The following CYP51A1 variants were observed in gnomAD, a reference collection of about 807,000 sequenced individuals.
CYP51A1 encodes cytochrome P450 family 51 subfamily A member 1, also known as lanosterol 14-alpha demethylase.
In CYP51A1, 45 loss-of-function variants were observed where a neutral mutation model predicts 53.5. The observed-to-expected ratio is 0.84, with a 90% confidence interval of 0.66 to 1.08. The LOEUF is 1.08. Ranked by LOEUF, CYP51A1 falls within the 50% of genes least tolerant of loss-of-function variation. The pLI, the probability that CYP51A1 is intolerant of heterozygous loss-of-function variation, is 0.00. For missense variants in CYP51A1, 462 were observed against 621.7 expected (o/e 0.74, Z 2.73); for synonymous variants, 181 against 217.7 (o/e 0.83, Z 1.48).
chr7:92,118,461 T>A (rs1819621888), intron 8 of CYP51A1, 59 bp downstream of exon 8: 10 of 948,050 alleles, frequency 1.1e-5, no homozygotes, highest in Admixed American at 8.5e-5. Flanking sequence ...CACCCACCTA[T>A]TTCTTCTTTT....
intron 7 of CYP51A1, among the ~76,000 whole-genome samples, chr7:92,120,525 C>A (rs937408425): frequency 6.6e-6 from 1 of 152,170 alleles, no homozygotes; most frequent in Non-Finnish European, 1.5e-5. Flanking sequence ...TGAGCTCAAG[C>A]GACCTTCCCA....
chr7:92,123,030 A>T, intron 7 of CYP51A1, 90 bp downstream of exon 7: 2 of 953,690 alleles, frequency 2.1e-6, no homozygotes, highest in Non-Finnish European at 3.2e-6. Flanking sequence ...AAGCTATAGT[A>T]TATAGAAAAT....
chr7:92,117,759 G>A (rs934967916), intron 8 of CYP51A1, among the ~76,000 whole-genome samples: 6 of 152,074 alleles, frequency 3.9e-5, no homozygotes, highest in East Asian at 1.9e-4. Context: ...AGGCCAAGGC[G>A]GGTGGATCAC....
chr7:92,122,834 A>G (rs1819717511), intron 7 of CYP51A1, among the ~76,000 whole-genome samples: 1 of 152,212 alleles, frequency 6.6e-6, no homozygotes, highest in Non-Finnish European at 1.5e-5. Flanking sequence ...TGCACATAAT[A>G]TCCTCTATGT....
chr7:92,127,458 C>T (rs778151347), intron 4 of CYP51A1, 47 bp downstream of exon 4: 1 of 1,558,282 alleles, frequency 6.4e-7, no homozygotes, highest in Non-Finnish European at 8.7e-7. Context: ...CTTTTCTATT[C>T]ACAGAGAAGT....
chr7:92,123,190 AG>A lies in CYP51A1; in HGVS notation c.1015del (p.Leu339PhefsTer7). The stretch of plus-strand genomic sequence containing the variant: ...CTGTTCTAAATAACATTTTTTTTGA[AG>A]TGTTTTGTCTCTGGCCAAAAAGAAG... ...MGFFLARDKT[L>X]QKKCYLEQKT... On this transcript the variant is annotated frameshift_variant, in exon 7 of 10. Coordinates refer to ENST00000003100, the MANE Select transcript of CYP51A1 (RefSeq NM_000786.4). LOFTEE classifies it high-confidence loss of function. 6.2e-7 allele frequency: 1 copy of A among 1,613,886 alleles called. No individual in the cohort carries two copies.
intron 5 of CYP51A1, among the ~76,000 whole-genome samples, chr7:92,125,144 C>CAAAAA (rs1232943204): frequency 3.7e-4 from 25 of 67,056 alleles, no homozygotes; most frequent in Non-Finnish European, 5.3e-4. Flanking sequence ...ACTCCATCAC[C>CAAAAA]AAAAAAAAAA....
At chr7:92,117,248 TAAAAATGTGCTGACAAATA>T in intron 8 of CYP51A1, 36 bp from the exon 9 acceptor site, 1 of 1,572,456 alleles carries the variant, frequency 6.4e-7, no homozygotes, top group East Asian at 2.3e-5. Context: ...TTAGAGAATT[TAAAAATGTGCTGACAAATA>T]ATCAGATCAT....
Position 92,112,646 on chromosome 7 carries a change from A to G in CYP51A1, c.*1019T>C, listed in dbSNP as rs1316796796. 1.3e-5 allele frequency: 2 copies of G among 152,000 alleles called. No homozygotes were observed. Among genetic ancestry groups the G allele is most frequent in the Non-Finnish European group, 2.9e-5 (2 of 68,022 alleles). The allele number at this position is 152,000 out of a possible 1,614,324, so 9.4% of individuals were successfully genotyped here. On this transcript the variant is annotated 3_prime_UTR_variant, in exon 10 of 10. Transcript: ENST00000003100. ...AGTTCAAGACCAGCCTAGCCAACAT[A>G]GTGAAACCCCCGTCTCTACTAAAAA...
intron 5 of CYP51A1, among the ~76,000 whole-genome samples, chr7:92,124,555 T>C (rs560625378): frequency 2.5e-4 from 38 of 152,268 alleles, no homozygotes; most frequent in Non-Finnish European, 4.4e-4. Context: ...AGCCCCCTCT[T>C]AAATCAAGCC....
intron 8 of CYP51A1, among the ~76,000 whole-genome samples, chr7:92,117,831 AC>A (rs1340231365): frequency 6.6e-6 from 1 of 152,012 alleles, no homozygotes; most frequent in Non-Finnish European, 1.5e-5. Flanking sequence ...CTACTAAAAT[AC>A]AAAAAATTAG....
At chr7:92,133,519 G>A (rs1177742975) in intron 1 of CYP51A1, among the ~76,000 whole-genome samples, 1 of 152,112 alleles carries the variant, frequency 6.6e-6, no homozygotes, top group Non-Finnish European at 1.5e-5. Context: ...CGCCCGCTTC[G>A]GCCTCCCGAA....
intron 9 of CYP51A1, among the ~76,000 whole-genome samples, chr7:92,116,263 A>ACT (rs1328352955): frequency 1.3e-5 from 2 of 151,800 alleles, no homozygotes; most frequent in Non-Finnish European, 2.9e-5. Context: ...ACAGAGCAAG[A>ACT]CTCTCTCAAA....
At chr7:92,133,472 G>A (rs574410963) in intron 1 of CYP51A1, among the ~76,000 whole-genome samples, 7 of 152,264 alleles carry the variant, frequency 4.6e-5, no homozygotes, top group Non-Finnish European at 1.0e-4. Context: ...TCTCCATGTT[G>A]TTCAGGCTGG....
In CYP51A1 at chr7:92,117,046, G is replaced by A. The variant is rs776078855; in HGVS notation, c.1349C>T (p.Ala450Val). The change falls in exon 9 of 10, where the codon GCT becomes GTT. Residue 450 changes from alanine (A) to valine (V), a missense_variant and splice_region_variant. Coordinates refer to ENST00000003100, the MANE Select transcript of CYP51A1 (RefSeq NM_000786.4). ...GEKFAYVPFG[A>V]GRHRCIGENF... ...AATCTAAAATATAATCATCTTACCAGCTCCAAATGGCACATAGGCAAACTT... is the reference window on the plus strand; with the variant it reads ...AATCTAAAATATAATCATCTTACCAACTCCAAATGGCACATAGGCAAACTT... 1.9e-6 allele frequency: 3 copies of A among 1,609,842 alleles called. No homozygotes were observed. Among genetic ancestry groups the A allele is most frequent in the Non-Finnish European group, 2.5e-6 (3 of 1,178,360 alleles).
Position 92,123,784 on chromosome 7 carries a change from A to C in CYP51A1, c.840T>G (p.Ser280=). ...GGAGAATGTCATCAATTTTTTCTTG[A>C]GACTGTCTGCGTTTCTGGATTGCCT... is the stretch of plus-strand genomic sequence containing the variant. ...FYKAIQKRRQ[S]QEKIDDILQT... Residue 280 remains serine, a synonymous_variant, in exon 6 of 10, where the codon TCT becomes TCG. Coordinates refer to ENST00000003100, the MANE Select transcript of CYP51A1 (RefSeq NM_000786.4). 1 of 1,609,482 alleles carries C rather than the reference A, an allele frequency of 6.2e-7. No individual in the cohort carries two copies. Among genetic ancestry groups the C allele is most frequent in the Non-Finnish European group, 8.5e-7 (1 of 1,177,904 alleles).
In CYP51A1 at chr7:92,134,324, T is replaced by TGCAGCAAGCCCAGCA. The variant is rs774503236; in HGVS notation, c.26_40dup (p.Leu9_Leu13dup). On this transcript the variant is annotated inframe_insertion, in exon 1 of 10. Transcript: ENST00000003100. ...CTGGCCCAGCACCGACCCACCCGCC[T>TGCAGCAAGCCCAGCA]GCAGCAAGCCCAGCAGCAGCATCCC... The TGCAGCAAGCCCAGCA allele has an allele frequency of 6.3e-7, 1 of 1,597,580 alleles. No homozygotes were observed. The highest frequency in any genetic ancestry group is 1.4e-5 in the African/African-American group (1 of 74,064).
chr7:92,122,151 A>G (rs550555068), intron 7 of CYP51A1, among the ~76,000 whole-genome samples: 5 of 151,704 alleles, frequency 3.3e-5, no homozygotes, highest in South Asian at 2.1e-4. Flanking sequence ...TGAAACTGAC[A>G]TAAGAAGAAA....
At chr7:92,125,570 T>C (rs1200386901) in intron 5 of CYP51A1, among the ~76,000 whole-genome samples, 3 of 152,142 alleles carry the variant, frequency 2.0e-5, no homozygotes, top group Non-Finnish European at 4.4e-5. Context: ...GCACAAATAT[T>C]TAAAACAAAG....
Sources: gnomAD v4.1 joint callset for allele counts (sites outside exome capture counted in the v4.1 genomes callset) on GRCh38, gnomAD v4.1.1 for gene constraint, MANE v1.5 for transcripts, NCBI Gene and HGNC (gene_info 2026-07-23, HGNC 2026-07-21) for gene names.